HLCS: variants seen among roughly 807,000 people sequenced by gnomAD.
HLCS encodes the protein holocarboxylase synthetase.
Under a neutral mutation model 75.0 loss-of-function variants are expected in HLCS, and 53 were observed. The observed-to-expected ratio is 0.71, with a 90% CI of 0.57 to 0.89. The LOEUF is 0.89. HLCS is among the 40% of genes least tolerant of loss of function. The pLI, the probability that HLCS is intolerant of heterozygous loss-of-function variation, is 0.00. For synonymous variants in HLCS, 431 were observed against 428.6 expected (o/e 1.01, Z -0.07); for missense variants, 966 against 1,074.0 (o/e 0.90, Z 1.41).
chr21:36,890,374 T>A (rs1001624705), intron 6 of HLCS, among the ~76,000 whole-genome samples: 2 of 152,192 alleles, frequency 1.3e-5, no homozygotes, highest in African/African-American at 4.8e-5. Flanking sequence ...TCACGTTTTC[T>A]AAGCAAATGA....
At position 36,880,116 on chromosome 21, in the gene HLCS, C is replaced by T. The variant is rs140406208; in HGVS notation, c.1892+16744G>A. On this transcript the variant is annotated intron_variant, in intron 6 of 10. Coordinates refer to ENST00000674895, the MANE Select transcript of HLCS (RefSeq NM_001352514.2). The stretch of plus-strand genomic sequence containing the variant: ...AGAAGTCAAATCCCTCATTCGTTTC[C>T]AATGATGACAACATGGTGCTGGAAA... Among the ~76,000 whole-genome samples the T allele has an allele frequency of 4.8e-3, 731 of 152,172 alleles. 2 individuals carry two copies. The highest frequency in any genetic ancestry group is 8.3e-3 in the Non-Finnish European group (563 of 68,000).
At chr21:36,850,227 A>C (rs539799376) in intron 6 of HLCS, among the ~76,000 whole-genome samples, 33 of 152,356 alleles carry the variant, frequency 2.2e-4, no homozygotes, top group African/African-American at 7.2e-4. Flanking sequence ...GCACCTTAAC[A>C]TTATTGCCAA....
chr21:36,956,249 CAG>C (rs1427003374), intron 2 of HLCS, among the ~76,000 whole-genome samples: 2 of 151,696 alleles, frequency 1.3e-5, no homozygotes, highest in Admixed American at 1.3e-4. Flanking sequence ...TAGATGGACT[CAG>C]GGGGTGGGGA....
chr21:36,898,873 C>A (rs1020338641), intron 5 of HLCS, among the ~76,000 whole-genome samples: 2 of 152,022 alleles, frequency 1.3e-5, no homozygotes, highest in African/African-American at 4.8e-5. Context: ...CCAGCCTGGG[C>A]AACATGGTGA....
intron 6 of HLCS, among the ~76,000 whole-genome samples, chr21:36,773,110 A>C (rs1474901619): frequency 6.6e-6 from 1 of 152,238 alleles, no homozygotes; most frequent in East Asian, 1.9e-4. Context: ...CTTATACTTT[A>C]CTGAATTTTC....
chr21:36,958,362 A>G (rs545920791), intron 2 of HLCS, among the ~76,000 whole-genome samples: 8 of 152,296 alleles, frequency 5.3e-5, no homozygotes, highest in Admixed American at 5.2e-4. Context: ...GTTTGACTGG[A>G]CCTAGGTTAA....
intron 6 of HLCS, among the ~76,000 whole-genome samples, chr21:36,780,247 T>G (rs2060485877): frequency 6.6e-6 from 1 of 152,126 alleles, no homozygotes; most frequent in South Asian, 2.1e-4. Context: ...CTTTTCCTCA[T>G]TTTTTCTTTT....
chr21:36,859,460 C>A (rs567850246), intron 6 of HLCS, among the ~76,000 whole-genome samples: 1 of 152,170 alleles, frequency 6.6e-6, no homozygotes, highest in Admixed American at 6.5e-5. Context: ...CTCAGCTCTC[C>A]CCACTCTGCA....
rs1481847988 is a variant in HLCS, at chr21:36,850,555, G to T, written c.1892+46305C>A. 2.6e-5 allele frequency among the ~76,000 whole-genome samples: 4 copies of T among 152,204 alleles called. No individual in the cohort carries two copies. In the South Asian group the frequency reaches 8.3e-4, roughly 31 times the overall value. ...CCAGAGGCCAGCCCCAATTCAGCAG[G>T]GTGACGGGGCATGGACCACACACGC... On this transcript the variant is annotated intron_variant, in intron 6 of 10. Transcript: ENST00000674895.
chr21:36,759,554 T>G (rs1162949153), intron 9 of HLCS, among the ~76,000 whole-genome samples, 173 bp downstream of exon 9: 1 of 152,182 alleles, frequency 6.6e-6, no homozygotes, highest in East Asian at 1.9e-4. Context: ...TGCTAAACCC[T>G]GTGAAGTGCT....
At chr21:36,776,217 A>G (rs1007978349) in intron 6 of HLCS, among the ~76,000 whole-genome samples, 3 of 152,194 alleles carry the variant, frequency 2.0e-5, no homozygotes, top group African/African-American at 7.2e-5. Flanking sequence ...CAGATTTCCT[A>G]AAGGTTCACT....
intron 6 of HLCS, among the ~76,000 whole-genome samples, chr21:36,784,124 A>G (rs1300036316): frequency 6.6e-6 from 1 of 152,030 alleles, no homozygotes; most frequent in Non-Finnish European, 1.5e-5. Flanking sequence ...AGTGACTCTC[A>G]AGACATCATC....
chr21:36,896,347 C>CTCAA (rs774930423), intron 6 of HLCS, among the ~76,000 whole-genome samples: 1 of 152,218 alleles, frequency 6.6e-6, no homozygotes, highest in South Asian at 2.1e-4. Context: ...AAGATCCTAT[C>CTCAA]TCAATCAATC....
At position 36,748,878 on chromosome 21, in the gene HLCS, C is replaced by T. The variant is rs1458611401; in HGVS notation, c.*5368G>A. 6.6e-6 allele frequency: 1 copy of T among 152,522 alleles called. No individual in the cohort carries two copies. Among genetic ancestry groups the T allele is most frequent in the Non-Finnish European group, 1.5e-5 (1 of 68,038 alleles). The allele number at this position is 152,522 out of a possible 1,614,324, so 9.4% of individuals were successfully genotyped here. A position where few individuals can be genotyped will look rare whatever the true frequency, so the allele number is the denominator to read the frequency against. On this transcript the variant is annotated 3_prime_UTR_variant, in exon 11 of 11. Coordinates refer to ENST00000674895, the MANE Select transcript of HLCS (RefSeq NM_001352514.2). ...TAGCCAGACAGTTTATGAGAATGAC[C>T]CTGTCAAGCTTCATTATTACGTGGC...
intron 1 of HLCS, among the ~76,000 whole-genome samples, chr21:36,964,908 C>G (rs1477471589): frequency 6.6e-6 from 1 of 152,130 alleles, no homozygotes; most frequent in African/African-American, 2.4e-5. Context: ...AATTTTTTGC[C>G]ATTTTATTGA....
At chr21:36,760,769 G>GCT (rs2089806653) in intron 8 of HLCS, among the ~76,000 whole-genome samples, 1 of 152,160 alleles carries the variant, frequency 6.6e-6, no homozygotes, top group Non-Finnish European at 1.5e-5. Flanking sequence ...GGGTGGGGGG[G>GCT]CTCTCCCTGT....
At chr21:36,803,995 C>T (rs2061290506) in intron 6 of HLCS, 1 of 152,288 alleles carries the variant, frequency 6.6e-6, no homozygotes, top group African/African-American at 2.4e-5. Context: ...ACTGTACCAA[C>T]ATAATGCTTC....
rs570615543 is a variant in HLCS at position 36,853,155 on chromosome 21, G to A, written c.1892+43705C>T. 7.2e-5 allele frequency among the ~76,000 whole-genome samples: 11 copies of A among 152,188 alleles called. No homozygotes were observed. In the South Asian group the frequency reaches 2.1e-3, roughly 29 times the overall value. ...CTGCAGTAAAACACCTTCCCAAGAG[G>A]GCACACAGGTACAAATGGTCTTAAG... On this transcript the variant is annotated intron_variant, in intron 6 of 10. Coordinates refer to ENST00000674895, the MANE Select transcript of HLCS (RefSeq NM_001352514.2).
chr21:36,942,628 TAAATTGAACTTCATCAA>T (rs1196718843), intron 2 of HLCS, among the ~76,000 whole-genome samples: 1 of 152,104 alleles, frequency 6.6e-6, no homozygotes, highest in Non-Finnish European at 1.5e-5. Flanking sequence ...AAGAAATAGA[TAAATTGAACTTCATCAA>T]ACATTCTTGT....
Sources: allele counts gnomAD v4.1 joint callset (sites outside exome capture counted in the v4.1 genomes callset), GRCh38; gene constraint gnomAD v4.1.1; transcripts MANE v1.5; gene names NCBI Gene and HGNC (gene_info 2026-07-23, HGNC 2026-07-21).